The following NPAS2 variants were observed in gnomAD, a reference collection of about 807,000 sequenced individuals.
NPAS2 encodes neuronal PAS domain protein 2.
A neutral mutation model predicts 107.5 loss-of-function variants in NPAS2; 23 were observed. The ratio of observed to expected loss-of-function variants is 0.21; its 90% CI spans 0.15 to 0.30. The LOEUF is 0.30. Ranked by LOEUF, NPAS2 falls within the 10% of genes least tolerant of loss-of-function variation. The pLI is 1.00. For synonymous variants in NPAS2, 403 were observed against 417.5 expected (o/e 0.97, Z 0.42); for missense variants, 756 against 1,043.3 (o/e 0.72, Z 3.79).
At chr2:100,867,173 A>T (rs1000732782) in intron 1 of NPAS2, among the ~76,000 whole-genome samples, 2 of 152,144 alleles carry the variant, frequency 1.3e-5, no homozygotes, top group African/African-American at 4.8e-5. Context: ...TTCTCCCATT[A>T]TTGGGTATAA....
intron 3 of NPAS2, among the ~76,000 whole-genome samples, chr2:100,928,608 A>T (rs749969730): frequency 6.6e-6 from 1 of 152,200 alleles, no homozygotes; most frequent in African/African-American, 2.4e-5. Context: ...GCTTAAACAC[A>T]ATGAGGATCA....
At chr2:100,935,305 T>C (rs1684227189) in intron 4 of NPAS2, among the ~76,000 whole-genome samples, 2 of 152,210 alleles carry the variant, frequency 1.3e-5, no homozygotes, top group African/African-American at 2.4e-5. Context: ...ACAAGAAATG[T>C]TCCATCTGAT....
Position 100,982,252 on chromosome 2 carries a change from T to A in NPAS2, c.1504T>A (p.Phe502Ile). 6.2e-7 allele frequency: 1 copy of A among 1,614,218 alleles called. No homozygotes were observed. The highest frequency in any genetic ancestry group is 8.5e-7 in the Non-Finnish European group (1 of 1,180,032). ...MAQFSAQFSM[F>I]QTIKDQLEQR... ...GAAGTTTTCGGCACAGTTCAGCATG[T>A]TCCAGACCATCAAAGACCAGCTAGA... The change falls in exon 16 of 21, where the codon TTC (phenylalanine) becomes ATC (isoleucine). Residue 502 changes from phenylalanine (F) to isoleucine (I), a missense_variant. Phe to Ile is a conservative substitution (Grantham distance 21, BLOSUM62 0). Transcript: ENST00000335681.
At chr2:100,914,571 C>T (rs1170029824) in intron 2 of NPAS2, among the ~76,000 whole-genome samples, 1 of 152,186 alleles carries the variant, frequency 6.6e-6, no homozygotes, top group Non-Finnish European at 1.5e-5. Context: ...TCTGCAAGAG[C>T]TACCCAGAAA....
intron 2 of NPAS2, among the ~76,000 whole-genome samples, chr2:100,914,145 G>A (rs774837297): frequency 2.0e-4 from 31 of 152,194 alleles, no homozygotes; most frequent in Admixed American, 5.9e-4. Context: ...CCACCTGTGG[G>A]AGAAACCCAA....
chr2:100,946,326 C>T (rs968880596), intron 5 of NPAS2, among the ~76,000 whole-genome samples: 2 of 152,158 alleles, frequency 1.3e-5, no homozygotes, highest in African/African-American at 4.8e-5. Flanking sequence ...GTCATTGTCC[C>T]CTCAGAGCCC....
intron 7 of NPAS2, among the ~76,000 whole-genome samples, chr2:100,962,105 A>G (rs1675949844): frequency 6.6e-6 from 1 of 152,176 alleles, no homozygotes; most frequent in African/African-American, 2.4e-5. Context: ...CTCATCTTAC[A>G]AATTCATTTG....
At chr2:100,895,864 T>C (rs535565066) in intron 1 of NPAS2, among the ~76,000 whole-genome samples, 1 of 152,214 alleles carries the variant, frequency 6.6e-6, no homozygotes, top group Admixed American at 6.5e-5. Flanking sequence ...TGTCTCTGTT[T>C]AGGAGCCCCT....
At chr2:100,858,476 A>T (rs1678722012) in intron 1 of NPAS2, among the ~76,000 whole-genome samples, 1 of 152,142 alleles carries the variant, frequency 6.6e-6, no homozygotes, top group South Asian at 2.1e-4. Flanking sequence ...TTGTCACACT[A>T]AAGTTTTTGC....
chr2:100,912,400 G>A (rs1372831851), intron 2 of NPAS2, among the ~76,000 whole-genome samples: 2 of 152,114 alleles, frequency 1.3e-5, no homozygotes, highest in African/African-American at 4.8e-5. Context: ...AGGAACTTGG[G>A]TATCAGTGTG....
chr2:100,904,014 C>T (rs1180658900), intron 1 of NPAS2, among the ~76,000 whole-genome samples: 2 of 152,220 alleles, frequency 1.3e-5, no homozygotes, highest in South Asian at 2.1e-4. Context: ...TGGATTGTTA[C>T]GTAATCTTTC....
chr2:100,883,247 T>C (rs1558837944), intron 1 of NPAS2, among the ~76,000 whole-genome samples: 1 of 152,226 alleles, frequency 6.6e-6, no homozygotes, highest in Non-Finnish European at 1.5e-5. Flanking sequence ...CTGGCTGAGA[T>C]CCACCAAGGC....
intron 1 of NPAS2, among the ~76,000 whole-genome samples, chr2:100,879,026 G>A (rs888829886): frequency 6.6e-6 from 1 of 151,962 alleles, no homozygotes; most frequent in African/African-American, 2.4e-5. Flanking sequence ...GGCTGAGGCA[G>A]GAGAATCACT....
At chr2:100,880,600 A>T (rs1025327189) in intron 1 of NPAS2, among the ~76,000 whole-genome samples, 10 of 152,070 alleles carry the variant, frequency 6.6e-5, no homozygotes, top group Non-Finnish European at 1.2e-4. Context: ...GAATTGGGGG[A>T]GGTGGGAGTG....
chr2:100,877,864 G>A (rs1036416082), intron 1 of NPAS2: 1 of 621,904 alleles, frequency 1.6e-6, no homozygotes, highest in South Asian at 7.1e-5. Context: ...ATACTGCCTT[G>A]TAAGAATGCC....
At chr2:100,823,865 T>G (rs1676217014) in intron 1 of NPAS2, 1 of 152,178 alleles carries the variant, frequency 6.6e-6, no homozygotes, top group East Asian at 1.9e-4. Flanking sequence ...GCTTCCACAT[T>G]GCTGACCTTG....
rs149000781 is a variant in NPAS2, at chr2:100,979,892, C to T, written c.1482+2093C>T. Among the ~76,000 whole-genome samples the T allele has an allele frequency of 6.9e-3, 1,052 of 152,224 alleles. 15 individuals are homozygous for T. The highest frequency in any genetic ancestry group is 0.024 in the African/African-American group (1,013 of 41,530). ...GACTTTCCAAGTCACACAGTTCTTC[C>T]CACTTCATGTGAAATACCCACTTCA... On this transcript the variant is annotated intron_variant, in intron 15 of 20. Transcript: ENST00000335681.
At chr2:100,925,336 C>T (rs356651) in intron 3 of NPAS2, 42 bp downstream of exon 3, 1,336,637 of 1,599,646 alleles carry the variant, frequency 0.84, 560,370 homozygotes, top group East Asian at 1. Context: ...CACCCTGCCC[C>T]GTCCATGTGG....
chr2:100,879,478 A>G (rs1573530242), intron 1 of NPAS2, among the ~76,000 whole-genome samples: 1 of 151,904 alleles, frequency 6.6e-6, no homozygotes, highest in African/African-American at 2.4e-5. Context: ...TTTGAACTCT[A>G]CTTCCTCCTT....
Sources: gnomAD v4.1 joint callset for allele counts (sites outside exome capture counted in the v4.1 genomes callset) on GRCh38, gnomAD v4.1.1 for gene constraint, MANE v1.5 for transcripts, NCBI Gene and HGNC (gene_info 2026-07-23, HGNC 2026-07-21) for gene names.